The following PSMD14 variants were observed in gnomAD, a reference collection of about 807,000 sequenced individuals.
The protein encoded by PSMD14 is ubiquitin C-terminal hydrolase PSMD14.
A neutral mutation model predicts 41.2 loss-of-function variants in PSMD14; 7 were observed. The ratio of observed to expected loss-of-function variants is 0.17; its 90% CI spans 0.10 to 0.32. The LOEUF (loss-of-function observed/expected upper bound fraction) is 0.32, where lower values mean the gene tolerates loss of function less well. Ranked by LOEUF, PSMD14 falls within the 10% of genes least tolerant of loss-of-function variation. The pLI is 1.00. For synonymous variants in PSMD14, 114 were observed against 122.3 expected (o/e 0.93, Z 0.45); for missense variants, 139 against 375.6 (o/e 0.37, Z 5.21).
intron 7 of PSMD14, among the ~76,000 whole-genome samples, chr2:161,380,715 G>T (rs1297322248): frequency 6.6e-6 from 1 of 151,946 alleles, no homozygotes; most frequent in Non-Finnish European, 1.5e-5. Context: ...TATGCATTTG[G>T]CATGAGTCAG....
chr2:161,366,877 G>T (rs778114167), intron 3 of PSMD14, among the ~76,000 whole-genome samples: 3 of 152,164 alleles, frequency 2.0e-5, no homozygotes, highest in Non-Finnish European at 4.4e-5. Context: ...TAGGATTTTG[G>T]AAGTATTTTC....
At chr2:161,350,164 A>G (rs560783926) in intron 3 of PSMD14, among the ~76,000 whole-genome samples, 10 of 152,346 alleles carry the variant, frequency 6.6e-5, no homozygotes, top group African/African-American at 2.2e-4. Flanking sequence ...AGGAACTTAG[A>G]ATAGAAAGTA....
intron 10 of PSMD14, chr2:161,408,540 TCTC>T (rs1175677522): frequency 9.1e-6 from 3 of 329,108 alleles, no homozygotes; most frequent in African/African-American, 4.3e-5. Flanking sequence ...CCATCTCCCA[TCTC>T]CTGAAGAATT....
chr2:161,364,121 A>G (rs765596247), intron 3 of PSMD14, among the ~76,000 whole-genome samples: 3 of 152,090 alleles, frequency 2.0e-5, no homozygotes, highest in African/African-American at 4.8e-5. Context: ...TGGAGTCAGG[A>G]CGCTGTCCTC....
At chr2:161,398,348 C>T (rs530790039) in intron 10 of PSMD14, among the ~76,000 whole-genome samples, 2 of 151,990 alleles carry the variant, frequency 1.3e-5, no homozygotes, top group East Asian at 1.9e-4. Context: ...CCAGTTAGGT[C>T]CTAAAGTAAA....
chr2:161,340,841 C>T (rs1682943065), intron 3 of PSMD14: 18 of 1,613,884 alleles, frequency 1.1e-5, no homozygotes, highest in Non-Finnish European at 1.4e-5. Context: ...GCTCCTCCTC[C>T]AGCTCCTCTT....
At chr2:161,385,714 ACTG>A (rs1482875467) in intron 8 of PSMD14, 143 bp downstream of exon 8, 1 of 571,514 alleles carries the variant, frequency 1.7e-6, no homozygotes, top group East Asian at 3.0e-5. Flanking sequence ...TTGTGGAAAT[ACTG>A]TTGTAAAAAT....
intron 3 of PSMD14, among the ~76,000 whole-genome samples, chr2:161,330,171 A>T (rs1169353124): frequency 2.4e-4 from 37 of 152,240 alleles, no homozygotes; most frequent in Admixed American, 2.4e-3. Context: ...CTGTCCTTCA[A>T]ATTAGTGACA....
At chr2:161,336,075 A>C (rs1172283610) in intron 3 of PSMD14, among the ~76,000 whole-genome samples, 2 of 152,202 alleles carry the variant, frequency 1.3e-5, no homozygotes, top group African/African-American at 4.8e-5. Flanking sequence ...ATTGTGGCAG[A>C]ATAGCTTTGC....
At chr2:161,370,055 CT>C (rs34989714) in intron 5 of PSMD14, 51 bp from the exon 6 acceptor site, 10 of 1,388,654 alleles carry the variant, frequency 7.2e-6, no homozygotes, top group Non-Finnish European at 9.8e-6. Flanking sequence ...CATAGGGAAG[CT>C]TTTTTTCCAA....
intron 3 of PSMD14, among the ~76,000 whole-genome samples, chr2:161,324,075 A>G (rs890200260): frequency 6.6e-6 from 1 of 152,210 alleles, no homozygotes; most frequent in Admixed American, 6.5e-5. Flanking sequence ...TTAGCTTTGG[A>G]AATAGTCAAT....
Position 161,408,862 on chromosome 2 carries a change from C to A in PSMD14, c.797C>A (p.Thr266Lys). 1 of 1,607,166 alleles carries A rather than the reference C, an allele frequency of 6.2e-7. No homozygotes were observed. Among genetic ancestry groups the A allele is most frequent in the African/African-American group, 1.3e-5 (1 of 74,902 alleles). Residue 266 changes from threonine (T) to lysine (K), a missense_variant, in exon 11 of 12, where the codon ACA (threonine) becomes AAA (lysine). Physicochemically the swap from Thr to Lys is moderately conservative, Grantham distance 78. Coordinates refer to ENST00000409682, the MANE Select transcript of PSMD14 (RefSeq NM_005805.6). The part of the protein sequence containing the change: ...NKAVEEEDKM[T>K]PEQLAIKNVG... Reference sequence around the variant, plus strand: ...GCTGTAGAAGAAGAAGATAAGATGACACCTGAACAGCTGGCAATAAAGAAT... The same window carrying A: ...GCTGTAGAAGAAGAAGATAAGATGAAACCTGAACAGCTGGCAATAAAGAAT...
intron 3 of PSMD14, among the ~76,000 whole-genome samples, chr2:161,348,954 C>T (rs114745180): frequency 1.8e-3 from 272 of 152,262 alleles, no homozygotes; most frequent in African/African-American, 6.2e-3. Flanking sequence ...GTAGTTGTCA[C>T]GTGGCTCTTT....
chr2:161,395,001 TGA>T, intron 9 of PSMD14, 75 bp from the exon 10 acceptor site: 1 of 1,262,942 alleles, frequency 7.9e-7, no homozygotes, highest in Non-Finnish European at 1.1e-6. Context: ...TTTTTTTTTT[TGA>T]AGTTTTTTTT....
rs552913061 is a variant in PSMD14 at position 161,378,454 on chromosome 2, A to G, written c.463-7010A>G. Among the ~76,000 whole-genome samples the G allele has an allele frequency of 1.5e-4, 23 of 152,134 alleles. 2 individuals carry two copies. In the South Asian group the frequency reaches 4.8e-3, roughly 32 times the overall value. Reference sequence around the variant, plus strand: ...TTTTCCTTTAAGGAAAAATAAACATAAGTGGTAAAAATTTCTATAGCATAG... The same window carrying G: ...TTTTCCTTTAAGGAAAAATAAACATGAGTGGTAAAAATTTCTATAGCATAG... On this transcript the variant is annotated intron_variant, in intron 7 of 11. Transcript: ENST00000409682.
intron 7 of PSMD14, among the ~76,000 whole-genome samples, chr2:161,375,798 A>G (rs1683494867): frequency 6.6e-6 from 1 of 151,916 alleles, no homozygotes; most frequent in South Asian, 2.1e-4. Flanking sequence ...TTGGGAGGTC[A>G]AAGTGAGTGG....
At chr2:161,354,127 G>C (rs766087743) in intron 3 of PSMD14, among the ~76,000 whole-genome samples, 2 of 152,034 alleles carry the variant, frequency 1.3e-5, no homozygotes, top group Non-Finnish European at 2.9e-5. Flanking sequence ...AGACGTTCAG[G>C]TTCTGCTTGA....
At chr2:161,355,738 A>T (rs1474670772) in intron 3 of PSMD14, among the ~76,000 whole-genome samples, 2 of 152,216 alleles carry the variant, frequency 1.3e-5, no homozygotes, top group Non-Finnish European at 2.9e-5. Flanking sequence ...AAACACTTTT[A>T]TATTAAGGAT....
intron 3 of PSMD14, among the ~76,000 whole-genome samples, chr2:161,365,758 A>G (rs1339122776): frequency 6.6e-6 from 1 of 152,164 alleles, no homozygotes; most frequent in East Asian, 1.9e-4. Flanking sequence ...ACATAAGGCT[A>G]ACATATCCAT....
Sources: allele counts gnomAD v4.1 joint callset (sites outside exome capture counted in the v4.1 genomes callset), GRCh38; gene constraint gnomAD v4.1.1; transcripts MANE v1.5; gene names NCBI Gene and HGNC (gene_info 2026-07-23, HGNC 2026-07-21).